Variants in LRP1B observed in about 807,000 individuals in gnomAD.
The protein encoded by LRP1B is low-density lipoprotein receptor-related protein 1B.
Under a neutral mutation model 556.6 loss-of-function variants are expected in LRP1B, and 217 were observed. The observed-to-expected ratio is 0.39, with a 90% CI of 0.35 to 0.44. The LOEUF is 0.44. Among genes scored for constraint, LRP1B ranks in the 20% least tolerant of loss-of-function variants. LRP1B has a pLI of 1.00. For synonymous variants in LRP1B, 2,047 were observed against 1,865.8 expected, an observed-to-expected ratio of 1.10 and a Z score of -2.50; for missense variants, 5,053 against 5,620.8, an observed-to-expected ratio of 0.90 and a Z score of 3.23.
chr2:140,267,663 T>G (rs1682269845), intron 86 of LRP1B, among the ~76,000 whole-genome samples: 1 of 151,826 alleles, frequency 6.6e-6, no homozygotes, highest in South Asian at 2.1e-4. Context: ...GATTTGCACT[T>G]GGTTGAACCC....
intron 84 of LRP1B, among the ~76,000 whole-genome samples, chr2:140,278,560 T>C (rs983604595): frequency 2.6e-5 from 4 of 151,980 alleles, no homozygotes; most frequent in African/African-American, 7.2e-5. Flanking sequence ...TTTTTTTTCA[T>C]AGCATGTCAG....
At position 140,736,894 on chromosome 2, in the gene LRP1B, C is replaced by G. The variant is rs999566032; in HGVS notation, c.5759-20078G>C. Among the ~76,000 whole-genome samples the G allele has an allele frequency of 3.3e-5, 5 of 152,072 alleles. 1 individual carries two copies. Among genetic ancestry groups the G allele is most frequent in the Admixed American group, 3.3e-4 (5 of 15,262 alleles). ...GATCGTTGTGCTTACCTGCCAGAAACCAAAAGGCCGTAACTACCATGACTG... is the reference window on the plus strand; with the variant it reads ...GATCGTTGTGCTTACCTGCCAGAAAGCAAAAGGCCGTAACTACCATGACTG... On this transcript the variant is annotated intron_variant, in intron 35 of 90. Transcript: ENST00000389484.
At chr2:140,898,063 G>A (rs921742116) in intron 23 of LRP1B, among the ~76,000 whole-genome samples, 1 of 152,108 alleles carries the variant, frequency 6.6e-6, no homozygotes, top group Non-Finnish European at 1.5e-5. Context: ...ATTCCAGAAA[G>A]GGTCTGCCCC....
chr2:140,779,717 G>C (rs1689627145), intron 32 of LRP1B, among the ~76,000 whole-genome samples: 1 of 131,120 alleles, frequency 7.6e-6, no homozygotes, highest in South Asian at 2.5e-4. Flanking sequence ...AAAAAAAAGT[G>C]TGTGTGTGTG....
At chr2:140,659,078 T>G (rs1684991868) in intron 41 of LRP1B, among the ~76,000 whole-genome samples, 1 of 149,862 alleles carries the variant, frequency 6.7e-6, no homozygotes, top group African/African-American at 2.4e-5. Flanking sequence ...GGCAATGGGT[T>G]GTCCCTAAAC....
intron 79 of LRP1B, among the ~76,000 whole-genome samples, chr2:140,326,144 C>T (rs1254831976): frequency 6.6e-6 from 1 of 152,064 alleles, no homozygotes; most frequent in African/African-American, 2.4e-5. Flanking sequence ...CTAAATATCC[C>T]TTCTAGCCAT....
chr2:140,233,257 C>G lies in LRP1B; in HGVS notation c.13729G>C (p.Gly4577Arg), dbSNP rs1199808525. The change falls in exon 91 of 91, where the codon GGA (glycine) becomes CGA (arginine). Residue 4577 changes from glycine to arginine, a missense_variant. Gly to Arg is a moderately radical substitution (Grantham distance 125). Around this residue, in one of 5 missense-constraint regions of LRP1B, gnomAD observed 551 missense variants for 592.0 expected, o/e 0.93. Transcript: ENST00000389484. ...MDGQNCRNSL[G>R]SVDERKELLP... Reference sequence around the variant, plus strand: ...AGTTCTTTCCTTTCATCAACACTTCCTAAGGAGTTTCGACAGTTTTGCCCA... The same window carrying G: ...AGTTCTTTCCTTTCATCAACACTTCGTAAGGAGTTTCGACAGTTTTGCCCA... 2 of 1,605,660 alleles carry G rather than the reference C, an allele frequency of 1.2e-6. No individual in the cohort carries two copies. The highest frequency in any genetic ancestry group is 2.2e-5 in the South Asian group (2 of 90,704).
intron 32 of LRP1B, among the ~76,000 whole-genome samples, chr2:140,791,392 G>T (rs2104986848): frequency 6.6e-6 from 1 of 152,158 alleles, no homozygotes; most frequent in Non-Finnish European, 1.5e-5. Context: ...TCTCACAACT[G>T]CACTCTAGCC....
chr2:141,673,413 A>C (rs1690748468), intron 2 of LRP1B, among the ~76,000 whole-genome samples: 1 of 152,190 alleles, frequency 6.6e-6, no homozygotes, highest in Admixed American at 6.5e-5. Context: ...CAAATGTTTG[A>C]ATAGACTTGT....
At position 141,504,428 on chromosome 2, in the gene LRP1B, C is replaced by A. The variant is rs568484812; in HGVS notation, c.206-23895G>T. On this transcript the variant is annotated intron_variant, in intron 2 of 90. Transcript: ENST00000389484. ...GCAGAGGATGAGAGAAATGACTCCA[C>A]TTAAAAAAATGCCCATATGCTAATT... Among the ~76,000 whole-genome samples the A allele has an allele frequency of 5.9e-5, 9 of 152,188 alleles. No homozygotes were observed. The East Asian group carries it at 1.7e-3, about 29-fold the overall frequency.
intron 68 of LRP1B, among the ~76,000 whole-genome samples, chr2:140,377,482 C>T (rs1462971758): frequency 6.6e-6 from 1 of 151,984 alleles, no homozygotes; most frequent in Non-Finnish European, 1.5e-5. Flanking sequence ...GCTTGGGGTC[C>T]TTTTAGATTT....
chr2:140,892,887 G>A (rs1693840749), intron 23 of LRP1B, among the ~76,000 whole-genome samples: 1 of 152,040 alleles, frequency 6.6e-6, no homozygotes, highest in African/African-American at 2.4e-5. Context: ...AAAGGTAAAT[G>A]ACAGACTGTA....
Position 140,399,177 on chromosome 2 carries a change from A to ACACACACACACACACACACAC in LRP1B, c.10415-13169_10415-13168insGTGTGTGTGTGTGTGTGTGTG, listed in dbSNP as rs1339240699. ...AGAAGACCAAGATACACACACACAC[A>ACACACACACACACACACACAC]CACACACACACACCACTTATTCAAT... On this transcript the variant is annotated intron_variant, in intron 66 of 90. Transcript: ENST00000389484. 2.2e-4 allele frequency among the ~76,000 whole-genome samples: 27 copies of ACACACACACACACACACACAC among 120,196 alleles called. 2 individuals carry two copies. Among genetic ancestry groups the ACACACACACACACACACACAC allele is most frequent in the African/African-American group, 7.3e-4 (21 of 28,716 alleles). The allele number at this position is 120,196 out of a possible 152,430, so 78.9% of individuals were successfully genotyped here. A position where few individuals can be genotyped will look rare whatever the true frequency, so the allele number is the denominator to read the frequency against.
At chr2:141,421,095 A>G (rs1420968545) in intron 3 of LRP1B, among the ~76,000 whole-genome samples, 1 of 152,152 alleles carries the variant, frequency 6.6e-6, no homozygotes, top group Non-Finnish European at 1.5e-5. Context: ...GCATTTCGTA[A>G]TGGTACTTTG....
intron 43 of LRP1B, among the ~76,000 whole-genome samples, chr2:140,568,924 T>C (rs148944589): frequency 0.013 from 1,957 of 152,100 alleles, 19 homozygotes; most frequent in Non-Finnish European, 0.018. Flanking sequence ...AATCAAATAT[T>C]TCCCAGACAA....
chr2:141,738,733 T>C (rs1693586644), intron 2 of LRP1B, among the ~76,000 whole-genome samples: 1 of 152,126 alleles, frequency 6.6e-6, no homozygotes, highest in Admixed American at 6.6e-5. Context: ...TGATAAGCAG[T>C]CTCTTTCGTA....
Position 141,913,460 on chromosome 2 carries a change from G to T in LRP1B, c.83-103059C>A, listed in dbSNP as rs1369567300. On this transcript the variant is annotated intron_variant, in intron 1 of 90. Coordinates refer to ENST00000389484, the MANE Select transcript of LRP1B (RefSeq NM_018557.3). The stretch of plus-strand genomic sequence containing the variant: ...CACTATGCGGCTGAAAAAATGGTGA[G>T]TTTGGGCCAGCACAGTCAGTTGGCT... 2.0e-5 allele frequency among the ~76,000 whole-genome samples: 3 copies of T among 152,244 alleles called. No homozygotes were observed. In the South Asian group the frequency reaches 6.2e-4, roughly 32 times the overall value.
intron 6 of LRP1B, among the ~76,000 whole-genome samples, chr2:141,214,346 T>C (rs1217305822): frequency 6.6e-6 from 1 of 152,196 alleles, no homozygotes; most frequent in African/African-American, 2.4e-5. Context: ...TCTCAAAGGC[T>C]GAGAGATACC....
chr2:140,628,536 C>T (rs530447202), intron 41 of LRP1B, among the ~76,000 whole-genome samples: 78 of 46,998 alleles, frequency 1.7e-3, no homozygotes, highest in African/African-American at 6.0e-3. Context: ...GACTCTGTCT[C>T]GAAAAAAAAA....
Sources: allele counts gnomAD v4.1 joint callset (sites outside exome capture counted in the v4.1 genomes callset), GRCh38; gene constraint gnomAD v4.1.1; regional missense constraint gnomAD v4.1.1; transcripts MANE v1.5; gene names NCBI Gene and HGNC (gene_info 2026-07-23, HGNC 2026-07-21).